ADRA1B: variants seen among roughly 807,000 people sequenced by gnomAD.
ADRA1B encodes adrenoceptor alpha 1B.
In ADRA1B, 17 loss-of-function variants were observed where a neutral mutation model predicts 17.9. The ratio of observed to expected loss-of-function variants is 0.95; its 90% CI spans 0.65 to 1.42. The LOEUF is 1.42. Ranked by LOEUF, ADRA1B falls within the 40% of genes most tolerant of loss-of-function variation. The pLI, the probability that ADRA1B is intolerant of heterozygous loss-of-function variation, is 0.00. For synonymous variants in ADRA1B, 366 were observed against 327.6 expected (o/e 1.12, Z -1.27); for missense variants, 681 against 722.1 (o/e 0.94, Z 0.65).
At chr5:159,898,725 T>A (rs554366689) in intron 1 of ADRA1B, among the ~76,000 whole-genome samples, 2 of 152,338 alleles carry the variant, frequency 1.3e-5, no homozygotes, top group South Asian at 4.1e-4. Context: ...ACATCTATGT[T>A]GATATCAATG....
intron 1 of ADRA1B, among the ~76,000 whole-genome samples, chr5:159,939,930 G>C (rs570878652): frequency 1.3e-5 from 2 of 152,234 alleles, no homozygotes; most frequent in African/African-American, 4.8e-5. Flanking sequence ...TGTCTCTCTT[G>C]TGCGATCTCT....
At chr5:159,866,231 G>A (rs182245015) in intron 1 of ADRA1B, among the ~76,000 whole-genome samples, 4 of 151,406 alleles carry the variant, frequency 2.6e-5, no homozygotes, top group East Asian at 1.9e-4. Context: ...ACTTTAGCCC[G>A]GGAGGTCAAC....
At chr5:159,878,253 A>T (rs1034437252) in intron 1 of ADRA1B, among the ~76,000 whole-genome samples, 2 of 152,214 alleles carry the variant, frequency 1.3e-5, no homozygotes, top group African/African-American at 4.8e-5. Flanking sequence ...GTAAGGGTCA[A>T]GGACTAACAG....
the ADRA1B span, among the ~76,000 whole-genome samples, chr5:159,987,257 T>C: frequency 6.6e-6 from 1 of 152,240 alleles, no homozygotes; most frequent in African/African-American, 2.4e-5. Context: ...CTGTGTTTTC[T>C]GCCGTTGCCA....
chr5:159,937,975 A>T (rs1368998710), intron 1 of ADRA1B, among the ~76,000 whole-genome samples: 1 of 152,156 alleles, frequency 6.6e-6, no homozygotes, highest in Non-Finnish European at 1.5e-5. Context: ...TGGAGGCCAA[A>T]GCTTCCCACA....
intron 1 of ADRA1B, among the ~76,000 whole-genome samples, chr5:159,906,563 T>A (rs79016725): frequency 0.027 from 4,050 of 152,340 alleles, 183 homozygotes; most frequent in African/African-American, 0.093. Context: ...GGAATCTGCA[T>A]CTTAAGGCTT....
intron 1 of ADRA1B, among the ~76,000 whole-genome samples, chr5:159,907,934 TTC>T (rs60469922): frequency 0.67 from 99,556 of 149,202 alleles, 33,425 homozygotes; most frequent in African/African-American, 0.79. Flanking sequence ...TAGCTGTTTG[TTC>T]TCTCTCTCTC....
the ADRA1B span, among the ~76,000 whole-genome samples, chr5:159,978,388 G>A: frequency 1.3e-5 from 2 of 152,210 alleles, no homozygotes; most frequent in South Asian, 2.1e-4. Flanking sequence ...AGGGCTTCCT[G>A]TAAGAAGTGG....
chr5:159,909,013 AT>A (rs1754196163), intron 1 of ADRA1B, among the ~76,000 whole-genome samples: 1 of 152,118 alleles, frequency 6.6e-6, no homozygotes, highest in African/African-American at 2.4e-5. Context: ...AAAAACCAAA[AT>A]ACTGCCTCTT....
intron 1 of ADRA1B, among the ~76,000 whole-genome samples, chr5:159,936,191 T>C (rs1283407794): frequency 6.6e-6 from 1 of 152,198 alleles, no homozygotes; most frequent in East Asian, 1.9e-4. Flanking sequence ...AGAGGCCAGG[T>C]ATGCTGCCAA....
intron 1 of ADRA1B, among the ~76,000 whole-genome samples, chr5:159,896,347 G>A (rs1291483838): frequency 6.6e-6 from 1 of 152,196 alleles, no homozygotes; most frequent in Non-Finnish European, 1.5e-5. Flanking sequence ...AGCTTTGGAT[G>A]TGAAATCACA....
chr5:159,870,218 G>C (rs1753719165), intron 1 of ADRA1B: 1 of 152,222 alleles, frequency 6.6e-6, no homozygotes, highest in African/African-American at 2.4e-5. Context: ...CTGAGTTGCA[G>C]TATAGACGCA....
the ADRA1B span, among the ~76,000 whole-genome samples, chr5:159,979,879 A>T: frequency 6.6e-6 from 1 of 151,802 alleles, no homozygotes; most frequent in Non-Finnish European, 1.5e-5. Flanking sequence ...AGAAAAAAAA[A>T]ACATGTGGCC....
chr5:159,976,689 G>A (rs959196956), downstream of ADRA1B, among the ~76,000 whole-genome samples: 6 of 151,168 alleles, frequency 4.0e-5, no homozygotes, highest in Admixed American at 2.0e-4. Context: ...ATGAAGACGC[G>A]TTACTTAAAA....
At chr5:159,918,372 T>C (rs1370217620) in intron 1 of ADRA1B, among the ~76,000 whole-genome samples, 1 of 152,114 alleles carries the variant, frequency 6.6e-6, no homozygotes, top group Non-Finnish European at 1.5e-5. Flanking sequence ...GGCTGCATTC[T>C]CTCCCTCCCC....
At chr5:159,866,927 T>G (rs1164947327) in intron 1 of ADRA1B, 2 of 152,146 alleles carry the variant, frequency 1.3e-5, no homozygotes, top group Admixed American at 6.5e-5. Flanking sequence ...CAGGAACCAG[T>G]GAGCAGCCAG....
rs185992156 is a variant in ADRA1B at position 159,957,118 on chromosome 5, C to T, written c.950-14761C>T. ...AACTCCTGACCTCAAGTGATCCGCC[C>T]GCTTTGGCCTCCCAAAGTGCTGGAA... is the stretch of plus-strand genomic sequence containing the variant. On this transcript the variant is annotated intron_variant, in intron 1 of 1. Transcript: ENST00000306675. Among the ~76,000 whole-genome samples the T allele has an allele frequency of 5.4e-3, 815 of 152,222 alleles. 9 individuals are homozygous for T. The highest frequency in any genetic ancestry group is 0.019 in the African/African-American group (781 of 41,520).
intron 1 of ADRA1B, among the ~76,000 whole-genome samples, chr5:159,927,111 A>G (rs957665176): frequency 6.6e-6 from 1 of 152,072 alleles, no homozygotes; most frequent in Non-Finnish European, 1.5e-5. Context: ...AGGATCTTGA[A>G]AATGGATGGC....
chr5:159,866,960 G>A (rs1321123342), intron 1 of ADRA1B: 1 of 152,170 alleles, frequency 6.6e-6, no homozygotes, highest in East Asian at 1.9e-4. Context: ...AGATTTCTCA[G>A]CAGAACAAAA....
Sources: gnomAD v4.1 joint callset for allele counts (sites outside exome capture counted in the v4.1 genomes callset) on GRCh38, gnomAD v4.1.1 for gene constraint, MANE v1.5 for transcripts, NCBI Gene and HGNC (gene_info 2026-07-23, HGNC 2026-07-21) for gene names.